The following MRPL1 variants were observed in gnomAD, a reference collection of about 807,000 sequenced individuals.
MRPL1 encodes large ribosomal subunit protein uL1m.
A neutral mutation model predicts 38.0 loss-of-function variants in MRPL1; 28 were observed. The ratio of observed to expected loss-of-function variants is 0.74; its 90% CI spans 0.55 to 1.01. The LOEUF is 1.01. Ranked by LOEUF, MRPL1 falls within the 50% of genes least tolerant of loss-of-function variation. MRPL1 has a pLI of 0.00. For synonymous variants in MRPL1, 123 were observed against 126.7 expected, an observed-to-expected ratio of 0.97 and a Z score of 0.20; for missense variants, 358 against 389.8, an observed-to-expected ratio of 0.92 and a Z score of 0.69.
chr4:77,892,181 G>A (rs970144964), intron 5 of MRPL1, among the ~76,000 whole-genome samples: 1 of 151,546 alleles, frequency 6.6e-6, no homozygotes, highest in Non-Finnish European at 1.5e-5. Context: ...GCCCAGTGGG[G>A]AGTGCAATGG....
At chr4:77,950,855 G>C (rs545947698) in intron 8 of MRPL1, among the ~76,000 whole-genome samples, 2 of 152,148 alleles carry the variant, frequency 1.3e-5, no homozygotes, top group South Asian at 4.2e-4. Context: ...TTTAAATGTT[G>C]TGATTCTCTT....
intron 1 of MRPL1, among the ~76,000 whole-genome samples, chr4:77,865,694 A>G (rs1735113485): frequency 6.6e-6 from 1 of 152,148 alleles, no homozygotes. Context: ...CACACTTTAC[A>G]TTAAATAGTT....
Position 77,952,534 on chromosome 4 carries a change from G to T in MRPL1, c.905G>T (p.Gly302Val), listed in dbSNP as rs1737434166. Residue 302 changes from glycine (G) to valine (V), a missense_variant, in exon 9 of 9, where the codon GGT becomes GTT. Gly to Val is a moderately radical substitution (Grantham distance 109, BLOSUM62 -3). Transcript: ENST00000315567. ...TTCCTTCGTAGTTCAACAAGTGAAGGTTTATTACTGAAGATTGATCCATTG... is the reference window on the plus strand; with the variant it reads ...TTCCTTCGTAGTTCAACAAGTGAAGTTTTATTACTGAAGATTGATCCATTG... The part of the protein sequence containing the change: ...RAFLRSSTSE[G>V]LLLKIDPLLP... 1 of 1,613,272 alleles carries T rather than the reference G, an allele frequency of 6.2e-7. No homozygotes were observed. Among genetic ancestry groups the T allele is most frequent in the Non-Finnish European group, 8.5e-7 (1 of 1,179,766 alleles).
intron 7 of MRPL1, among the ~76,000 whole-genome samples, chr4:77,911,333 G>A (rs1169298779): frequency 6.6e-6 from 1 of 152,056 alleles, no homozygotes; most frequent in East Asian, 1.9e-4. Context: ...AAGAAACCAT[G>A]ACATCGCATT....
intron 6 of MRPL1, among the ~76,000 whole-genome samples, chr4:77,907,964 C>G (rs1467011079): frequency 6.8e-6 from 1 of 148,124 alleles, no homozygotes; most frequent in Non-Finnish European, 1.5e-5. Context: ...GTGGCTCATT[C>G]TCGGCTCACT....
chr4:77,926,714 T>C (rs1456472915), intron 7 of MRPL1, among the ~76,000 whole-genome samples: 2 of 151,760 alleles, frequency 1.3e-5, no homozygotes, highest in African/African-American at 2.4e-5. Context: ...GTTCAGGTGA[T>C]TCTCTTGCCT....
intron 7 of MRPL1, among the ~76,000 whole-genome samples, chr4:77,921,517 G>C (rs960000261): frequency 1.3e-5 from 2 of 151,960 alleles, no homozygotes; most frequent in African/African-American, 4.8e-5. Context: ...AAGTACAAAG[G>C]CTCTGAGAAA....
chr4:77,866,529 G>A (rs548902515), intron 1 of MRPL1, among the ~76,000 whole-genome samples: 2 of 152,162 alleles, frequency 1.3e-5, no homozygotes, highest in African/African-American at 4.8e-5. Context: ...ATCACCTTGT[G>A]CCTACCTTCT....
chr4:77,933,994 A>G (rs759773856), intron 7 of MRPL1, among the ~76,000 whole-genome samples: 5 of 152,202 alleles, frequency 3.3e-5, no homozygotes, highest in African/African-American at 1.2e-4. Context: ...TTGTTCATAG[A>G]TGTTTTCCTA....
intron 5 of MRPL1, among the ~76,000 whole-genome samples, chr4:77,891,854 C>A (rs1193171936): frequency 3.3e-5 from 5 of 152,108 alleles, no homozygotes; most frequent in African/African-American, 9.7e-5. Flanking sequence ...TACAGAATTT[C>A]TCTTTAGGGC....
intron 6 of MRPL1, among the ~76,000 whole-genome samples, chr4:77,908,769 G>A (rs1040582855): frequency 7.9e-5 from 12 of 152,148 alleles, no homozygotes; most frequent in African/African-American, 2.9e-4. Flanking sequence ...GTCTCACAAA[G>A]CTCCACTCAA....
intron 2 of MRPL1, among the ~76,000 whole-genome samples, chr4:77,878,810 C>T (rs111665483): frequency 0.14 from 21,461 of 151,974 alleles, 1,747 homozygotes; most frequent in African/African-American, 0.2. Flanking sequence ...ACCTGGGAGG[C>T]GGACGTTGCA....
intron 7 of MRPL1, among the ~76,000 whole-genome samples, chr4:77,923,000 ATGT>A (rs1411240505): frequency 6.6e-6 from 1 of 152,166 alleles, no homozygotes; most frequent in Non-Finnish European, 1.5e-5. Context: ...AGTAAGTATG[ATGT>A]TTGCTGTTTG....
At chr4:77,938,247 G>A (rs1463208697) in intron 7 of MRPL1, among the ~76,000 whole-genome samples, 3 of 152,218 alleles carry the variant, frequency 2.0e-5, no homozygotes, top group Non-Finnish European at 4.4e-5. Flanking sequence ...CATTTGGCCT[G>A]CAAAGCCTAA....
intron 2 of MRPL1, among the ~76,000 whole-genome samples, chr4:77,876,394 C>T (rs953316915): frequency 1.3e-5 from 2 of 152,116 alleles, no homozygotes; most frequent in Non-Finnish European, 2.9e-5. Flanking sequence ...AATATTTTAT[C>T]TTTAAATGTT....
In MRPL1 at chr4:77,905,524, T is replaced by C. The variant is rs1262749046; in HGVS notation, c.671-3742T>C. On this transcript the variant is annotated intron_variant, in intron 6 of 8. Transcript: ENST00000315567. The stretch of plus-strand genomic sequence containing the variant: ...AAAAAAAAAAAAAAAAAAAAAAGAA[T>C]ATATGTAATTGGTCATTAAACAGAT... Among the ~76,000 whole-genome samples, 2 of 111,624 alleles carry C rather than the reference T, an allele frequency of 1.8e-5. 1 individual carries two copies. The highest frequency in any genetic ancestry group is 5.6e-4 in the South Asian group (2 of 3,580). The allele number at this position is 111,624 out of a possible 152,430, so 73.2% of individuals were successfully genotyped here. A position where few individuals can be genotyped will look rare whatever the true frequency, so the allele number is the denominator to read the frequency against.
chr4:77,910,468 C>T (rs1175045852), intron 7 of MRPL1, among the ~76,000 whole-genome samples: 1 of 152,138 alleles, frequency 6.6e-6, no homozygotes, highest in Non-Finnish European at 1.5e-5. Flanking sequence ...GAAACCCCAT[C>T]TCTATAAAAA....
chr4:77,877,522 G>A (rs1239359418), intron 2 of MRPL1, among the ~76,000 whole-genome samples: 1 of 147,124 alleles, frequency 6.8e-6, no homozygotes, highest in East Asian at 2.0e-4. Flanking sequence ...GTGGGGTGGG[G>A]TGGGTCACTC....
intron 1 of MRPL1, chr4:77,863,139 C>T (rs116541351): frequency 3.7e-6 from 2 of 539,906 alleles, no homozygotes; most frequent in Non-Finnish European, 6.5e-6. Context: ...ATGGGCATGG[C>T]AAGGACTGGG....
Sources: allele counts gnomAD v4.1 joint callset (sites outside exome capture counted in the v4.1 genomes callset), GRCh38; gene constraint gnomAD v4.1.1; transcripts MANE v1.5; gene names NCBI Gene and HGNC (gene_info 2026-07-23, HGNC 2026-07-21).